NUDT3: variants seen among roughly 807,000 people sequenced by gnomAD.
The protein encoded by NUDT3 is nudix hydrolase 3.
In NUDT3, 9 loss-of-function variants were observed where a neutral mutation model predicts 23.6. The ratio of observed to expected loss-of-function variants is 0.38; its 90% CI spans 0.23 to 0.66. The LOEUF (loss-of-function observed/expected upper bound fraction) is 0.66, where lower values mean the gene tolerates loss of function less well. Ranked by LOEUF, NUDT3 falls within the 30% of genes least tolerant of loss-of-function variation. The pLI is 0.52. For synonymous variants in NUDT3, 86 were observed against 82.6 expected (o/e 1.04, Z -0.22); for missense variants, 172 against 218.5 (o/e 0.79, Z 1.34).
chr6:34,334,348 A>C (rs1274699781), intron 2 of NUDT3, among the ~76,000 whole-genome samples: 1 of 152,172 alleles, frequency 6.6e-6, no homozygotes, highest in Non-Finnish European at 1.5e-5. Flanking sequence ...AATGAGCAAG[A>C]AAAAATGGGA....
intron 2 of NUDT3, among the ~76,000 whole-genome samples, chr6:34,329,474 T>C (rs1764093391): frequency 6.6e-6 from 1 of 152,132 alleles, no homozygotes; most frequent in Admixed American, 6.5e-5. Context: ...AGAGATGGGG[T>C]TTCACCATGT....
At chr6:34,343,266 A>T (rs1279281629) in intron 1 of NUDT3, among the ~76,000 whole-genome samples, 1 of 151,986 alleles carries the variant, frequency 6.6e-6, no homozygotes, top group Non-Finnish European at 1.5e-5. Context: ...AGATACTACA[A>T]GAGCCAGGTG....
At chr6:34,300,016 T>C (rs1015686362) in intron 2 of NUDT3, among the ~76,000 whole-genome samples, 1 of 152,110 alleles carries the variant, frequency 6.6e-6, no homozygotes, top group African/African-American at 2.4e-5. Context: ...CCCAAACTGC[T>C]GGGATTACAG....
chr6:34,364,381 T>C (rs548058591), intron 1 of NUDT3, among the ~76,000 whole-genome samples: 11 of 152,318 alleles, frequency 7.2e-5, no homozygotes, highest in African/African-American at 2.6e-4. Flanking sequence ...TTATTTCCAA[T>C]ATATCCGACA....
At position 34,283,202 on chromosome 6, in the gene NUDT3, C is replaced by CTTTTTT. The variant is rs202246513; in HGVS notation, c.*5545_*5550dup. 6 of 107,654 alleles carry CTTTTTT rather than the reference C, an allele frequency of 5.6e-5. No individual in the cohort carries two copies. Among genetic ancestry groups the CTTTTTT allele is most frequent in the African/African-American group, 1.3e-4 (4 of 30,524 alleles). 6.7% of individuals were successfully genotyped at this position (107,654 alleles called of 1,614,324 possible). A position where few individuals can be genotyped will look rare whatever the true frequency, so the allele number is the denominator to read the frequency against. Reference sequence around the variant, plus strand: ...ACAAAATGGGATTCCCTTCCCTTTTCTTTTTTTTTTTTTTTTTTTTGAGAC... The same window carrying CTTTTTT: ...ACAAAATGGGATTCCCTTCCCTTTTCTTTTTTTTTTTTTTTTTTTTTTTTTTGAGAC... On this transcript the variant is annotated 3_prime_UTR_variant, in exon 5 of 5. Coordinates refer to ENST00000607016, the MANE Select transcript of NUDT3 (RefSeq NM_006703.4).
chr6:34,318,018 T>A (rs1241242307), intron 2 of NUDT3, among the ~76,000 whole-genome samples: 1 of 152,192 alleles, frequency 6.6e-6, no homozygotes, highest in Non-Finnish European at 1.5e-5. Flanking sequence ...AAGGTCAGGT[T>A]TAAAAGCTGA....
intron 1 of NUDT3, among the ~76,000 whole-genome samples, chr6:34,353,208 C>T (rs1257016993): frequency 1.3e-5 from 2 of 152,094 alleles, no homozygotes; most frequent in African/African-American, 4.8e-5. Context: ...TCTACTTTGC[C>T]TTTTCACTTA....
At chr6:34,324,983 C>G (rs1484717542) in intron 2 of NUDT3, among the ~76,000 whole-genome samples, 1 of 152,202 alleles carries the variant, frequency 6.6e-6, no homozygotes, top group African/African-American at 2.4e-5. Flanking sequence ...CAGCCAGGCC[C>G]TTCACTGGAG....
intron 2 of NUDT3, among the ~76,000 whole-genome samples, chr6:34,317,176 C>T (rs772141021): frequency 2.0e-5 from 3 of 152,090 alleles, no homozygotes; most frequent in East Asian, 1.9e-4. Flanking sequence ...AGACTGCTGG[C>T]GAAGCAGGTT....
At chr6:34,359,749 G>A in intron 1 of NUDT3, among the ~76,000 whole-genome samples, 1 of 152,142 alleles carries the variant, frequency 6.6e-6, no homozygotes, top group South Asian at 2.1e-4. Context: ...ACAAATGTTT[G>A]AGTACAAGCT....
chr6:34,362,007 T>G (rs1185374238), intron 1 of NUDT3, among the ~76,000 whole-genome samples: 3 of 152,162 alleles, frequency 2.0e-5, no homozygotes, highest in African/African-American at 7.2e-5. Context: ...GATAATCATG[T>G]GTCATAGTAG....
rs888062375 is a variant in NUDT3, at chr6:34,372,013, G to A, written c.99+20251C>T. Among the ~76,000 whole-genome samples the A allele has an allele frequency of 6.6e-5, 10 of 152,106 alleles. No homozygotes were observed. In the East Asian group the frequency reaches 1.4e-3, roughly 21 times the overall value. ...GCAGTGTTTGGTTTTCTGTCCTTGC[G>A]ATCGTTTGCTCAGAATGATGGTTTC... On this transcript the variant is annotated intron_variant, in intron 1 of 4. Coordinates refer to ENST00000607016, the MANE Select transcript of NUDT3 (RefSeq NM_006703.4).
intron 2 of NUDT3, among the ~76,000 whole-genome samples, chr6:34,327,210 C>T (rs1764051768): frequency 6.6e-6 from 1 of 152,052 alleles, no homozygotes; most frequent in African/African-American, 2.4e-5. Context: ...CAGCATACGT[C>T]AGCGTTTTCT....
At chr6:34,354,149 C>G (rs1211240838) in intron 1 of NUDT3, among the ~76,000 whole-genome samples, 1 of 151,854 alleles carries the variant, frequency 6.6e-6, no homozygotes, top group Non-Finnish European at 1.5e-5. Flanking sequence ...AACTCCTGAC[C>G]TCAGGTGACC....
chr6:34,377,502 A>C (rs1176750403), intron 1 of NUDT3, among the ~76,000 whole-genome samples: 1 of 152,220 alleles, frequency 6.6e-6, no homozygotes, highest in African/African-American at 2.4e-5. Flanking sequence ...ACACATTCTC[A>C]AATATTATTT....
chr6:34,305,700 C>T (rs1763669279), intron 2 of NUDT3, among the ~76,000 whole-genome samples: 3 of 152,092 alleles, frequency 2.0e-5, no homozygotes, highest in African/African-American at 4.8e-5. Context: ...AGCTGTATCC[C>T]GTAAGTCATG....
At position 34,329,213 on chromosome 6, in the gene NUDT3, G is replaced by GAT. The variant is rs1764088886; in HGVS notation, c.210+12647_210+12648dup. ...TGTGTGTTGTGTATATATATAGAGA[G>GAT]ATATACATAAAAATACATATATACA... On this transcript the variant is annotated intron_variant, in intron 2 of 4. Transcript: ENST00000607016. Among the ~76,000 whole-genome samples, 3 of 151,986 alleles carry GAT rather than the reference G, an allele frequency of 2.0e-5. No individual in the cohort carries two copies. In the South Asian group the frequency reaches 6.2e-4, roughly 32 times the overall value.
At chr6:34,330,676 T>C (rs1764113706) in intron 2 of NUDT3, among the ~76,000 whole-genome samples, 1 of 151,868 alleles carries the variant, frequency 6.6e-6, no homozygotes, top group African/African-American at 2.4e-5. Context: ...GCATGCTTAC[T>C]TGTAGTCCCA....
intron 1 of NUDT3, among the ~76,000 whole-genome samples, chr6:34,359,677 A>C (rs1403386941): frequency 6.6e-6 from 1 of 152,206 alleles, no homozygotes; most frequent in Non-Finnish European, 1.5e-5. Context: ...CCATTCATCT[A>C]CTGGTTAACA....
Sources: allele counts gnomAD v4.1 joint callset (sites outside exome capture counted in the v4.1 genomes callset), GRCh38; gene constraint gnomAD v4.1.1; transcripts MANE v1.5; gene names NCBI Gene and HGNC (gene_info 2026-07-23, HGNC 2026-07-21).